Variants in ADGRL2 observed in about 807,000 individuals in gnomAD.
ADGRL2 encodes calcium-independent alpha-latrotoxin receptor 2.
In ADGRL2, 44 loss-of-function variants were observed where a neutral mutation model predicts 157.4. The observed-to-expected ratio is 0.28, with a 90% CI of 0.22 to 0.36. The LOEUF is 0.36. Among genes scored for constraint, ADGRL2 ranks in the 10% least tolerant of loss-of-function variants. ADGRL2 has a pLI of 1.00. For synonymous variants in ADGRL2, 585 were observed against 624.7 expected (o/e 0.94, Z 0.95); for missense variants, 1,510 against 1,768.9 (o/e 0.85, Z 2.63).
intron 2 of ADGRL2, among the ~76,000 whole-genome samples, chr1:81,867,408 T>C (rs1038151779): frequency 6.6e-6 from 1 of 152,218 alleles, no homozygotes; most frequent in African/African-American, 2.4e-5. Context: ...GCTGTTGCTA[T>C]GTGCTCATGG....
intron 2 of ADGRL2, among the ~76,000 whole-genome samples, chr1:81,509,155 C>T (rs2079031496): frequency 6.6e-6 from 1 of 152,178 alleles, no homozygotes; most frequent in African/African-American, 2.4e-5. Context: ...GAGTATGGTA[C>T]TTCCACTGCT....
At chr1:81,731,882 A>C (rs2149180630) in intron 1 of ADGRL2, among the ~76,000 whole-genome samples, 1 of 152,342 alleles carries the variant, frequency 6.6e-6, no homozygotes, top group African/African-American at 2.4e-5. Flanking sequence ...CATCAGAAAA[A>C]GAGAGAGACT....
chr1:81,785,954 A>G (rs1322963629), intron 2 of ADGRL2, among the ~76,000 whole-genome samples: 2 of 151,728 alleles, frequency 1.3e-5, no homozygotes, highest in African/African-American at 2.4e-5. Context: ...AGAAAAAAAA[A>G]AATTGGTGGG....
intron 2 of ADGRL2, among the ~76,000 whole-genome samples, chr1:81,881,612 A>G (rs2093990430): frequency 6.6e-6 from 1 of 152,174 alleles, no homozygotes; most frequent in African/African-American, 2.4e-5. Flanking sequence ...CTGTCTGTTC[A>G]TCCTGCCAGG....
intron 2 of ADGRL2, among the ~76,000 whole-genome samples, chr1:81,550,728 A>G (rs2080125866): frequency 6.6e-6 from 1 of 152,110 alleles, no homozygotes; most frequent in African/African-American, 2.4e-5. Context: ...TAAAGGTATC[A>G]TTTCCAAAGT....
chr1:81,368,906 T>A (rs1297412950), intron 1 of ADGRL2, among the ~76,000 whole-genome samples: 1 of 152,184 alleles, frequency 6.6e-6, no homozygotes, highest in East Asian at 1.9e-4. Context: ...TTTTACATAA[T>A]TCCCTTATAA....
chr1:81,505,868 T>C, intron 2 of ADGRL2: 1 of 342,622 alleles, frequency 2.9e-6, no homozygotes, highest in Non-Finnish European at 5.7e-6. Context: ...TAAAATGGGA[T>C]CAATGTCATT....
intron 2 of ADGRL2, among the ~76,000 whole-genome samples, chr1:81,464,371 G>C (rs984469127): frequency 6.6e-6 from 1 of 151,860 alleles, no homozygotes; most frequent in Admixed American, 6.6e-5. Context: ...CTGAGTATCT[G>C]GGCAGCCTAT....
chr1:81,369,821 CACTAG>C (rs1292962401), intron 1 of ADGRL2, among the ~76,000 whole-genome samples: 17 of 152,156 alleles, frequency 1.1e-4, no homozygotes, highest in Admixed American at 1.1e-3. Flanking sequence ...GTACAGGAAG[CACTAG>C]ACTACATTTG....
chr1:81,434,935 G>A (rs1424103066), intron 1 of ADGRL2, among the ~76,000 whole-genome samples: 1 of 152,142 alleles, frequency 6.6e-6, no homozygotes, highest in Non-Finnish European at 1.5e-5. Context: ...CACTGCAAGG[G>A]ACTCCTGTGA....
At chr1:81,626,314 AT>A (rs1186027937) in intron 3 of ADGRL2, among the ~76,000 whole-genome samples, 3 of 151,724 alleles carry the variant, frequency 2.0e-5, no homozygotes, top group Non-Finnish European at 4.4e-5. Flanking sequence ...ATCCCTTTTT[AT>A]TTTTTTTGAG....
intron 2 of ADGRL2, among the ~76,000 whole-genome samples, chr1:81,571,383 A>G (rs1396542964): frequency 6.8e-6 from 1 of 147,444 alleles, no homozygotes; most frequent in Non-Finnish European, 1.5e-5. Flanking sequence ...GTATATATGT[A>G]TATATATGTG....
intron 1 of ADGRL2, among the ~76,000 whole-genome samples, chr1:81,728,713 C>T (rs1260852132): frequency 6.6e-6 from 1 of 152,194 alleles, no homozygotes; most frequent in Non-Finnish European, 1.5e-5. Flanking sequence ...CTTTTATTCT[C>T]TTGCTCTTGC....
chr1:81,472,219 C>T (rs1191840778), intron 2 of ADGRL2, among the ~76,000 whole-genome samples: 1 of 151,848 alleles, frequency 6.6e-6, no homozygotes, highest in Non-Finnish European at 1.5e-5. Context: ...GATTTTTTTC[C>T]CCCAGTTCCA....
At chr1:81,598,111 A>G (rs2081270873) in intron 3 of ADGRL2, among the ~76,000 whole-genome samples, 1 of 152,214 alleles carries the variant, frequency 6.6e-6, no homozygotes, top group Non-Finnish European at 1.5e-5. Context: ...TCTCAGAGCC[A>G]GAAAAAAGTC....
chr1:81,769,169 CTCTT>C (rs1358698419), intron 2 of ADGRL2, among the ~76,000 whole-genome samples: 1 of 152,132 alleles, frequency 6.6e-6, no homozygotes, highest in South Asian at 2.1e-4. Flanking sequence ...TAACAAATGT[CTCTT>C]TCTAATTTGT....
At chr1:81,357,729 G>A (rs1176282487) in intron 1 of ADGRL2, among the ~76,000 whole-genome samples, 1 of 152,130 alleles carries the variant, frequency 6.6e-6, no homozygotes, top group Admixed American at 6.6e-5. Context: ...TAGAAGGTAG[G>A]AAGTTAATAC....
intron 1 of ADGRL2, among the ~76,000 whole-genome samples, chr1:81,315,434 G>T (rs1660039055): frequency 6.6e-6 from 1 of 151,742 alleles, no homozygotes; most frequent in Non-Finnish European, 1.5e-5. Context: ...TACCACTGGG[G>T]GTCTTTTATA....
chr1:81,945,861 A>G (rs1029782082), intron 6 of ADGRL2, among the ~76,000 whole-genome samples: 4 of 116,806 alleles, frequency 3.4e-5, no homozygotes, highest in Non-Finnish European at 5.3e-5. Context: ...TGTTTGACCC[A>G]TATTCATTCT....
Sources: gnomAD v4.1 joint callset for allele counts (sites outside exome capture counted in the v4.1 genomes callset) on GRCh38, gnomAD v4.1.1 for gene constraint, MANE v1.5 for transcripts, NCBI Gene and HGNC (gene_info 2026-07-23, HGNC 2026-07-21) for gene names.